Variants in DCLK1 observed in about 807,000 individuals in gnomAD.
DCLK1 encodes the protein serine/threonine-protein kinase DCLK1.
DCLK1 carries 16 observed loss-of-function variants against 86.2 expected under a neutral mutation model. The observed-to-expected ratio is 0.19, with a 90% CI of 0.13 to 0.28. The LOEUF (loss-of-function observed/expected upper bound fraction) is 0.28. Among genes scored for constraint, DCLK1 ranks in the 10% least tolerant of loss-of-function variants. DCLK1 has a pLI of 1.00. For synonymous variants in DCLK1, 369 were observed against 370.5 expected, an observed-to-expected ratio of 1.00 and a Z score of 0.05; for missense variants, 590 against 940.2, an observed-to-expected ratio of 0.63 and a Z score of 4.87.
intron 3 of DCLK1, among the ~76,000 whole-genome samples, chr13:36,043,790 T>C (rs1395995183): frequency 1.3e-5 from 2 of 152,230 alleles, no homozygotes; most frequent in African/African-American, 4.8e-5. Flanking sequence ...TAAGTGAGAG[T>C]TGAATAAAAA....
rs1378725152 is a variant in DCLK1 at position 35,850,542 on chromosome 13, A to G, written c.1035+3957T>C. The G allele has an allele frequency of 7.9e-6, 10 of 1,261,628 alleles. No homozygotes were observed. In the East Asian group the frequency reaches 9.6e-5, roughly 12 times the overall value. The allele number at this position is 1,261,628 out of a possible 1,614,324, so 78.2% of individuals were successfully genotyped here. On this transcript the variant is annotated intron_variant, in intron 6 of 16. Transcript: ENST00000360631. ...GGGAGATATTTTTAAAAATCTCTCA[A>G]TTTCAAGGTTGAACATCACGAAAAC...
In DCLK1 at chr13:35,923,275, G is replaced by A. The variant is rs181546033; in HGVS notation, c.823+24083C>T. On this transcript the variant is annotated intron_variant, in intron 4 of 16. Coordinates refer to ENST00000360631, the MANE Select transcript of DCLK1 (RefSeq NM_001330071.2). Reference sequence around the variant, plus strand: ...CTCAGGACTCAGGTGAGATGCTAAGGGACCTGCTTGACAAGGTCACACTCC... The same window carrying A: ...CTCAGGACTCAGGTGAGATGCTAAGAGACCTGCTTGACAAGGTCACACTCC... Among the ~76,000 whole-genome samples the A allele has an allele frequency of 2.2e-3, 339 of 152,204 alleles. 1 individual carries two copies. Among genetic ancestry groups the A allele is most frequent in the African/African-American group, 7.9e-3 (326 of 41,526 alleles).
intron 8 of DCLK1, among the ~76,000 whole-genome samples, chr13:35,829,675 A>C (rs1316972561): frequency 6.6e-6 from 1 of 152,210 alleles, no homozygotes; most frequent in East Asian, 1.9e-4. Flanking sequence ...GCCGGCCTCA[A>C]AAAACAGTGA....
At chr13:35,857,085 T>C (rs1871104969) in intron 5 of DCLK1, among the ~76,000 whole-genome samples, 1 of 152,102 alleles carries the variant, frequency 6.6e-6, no homozygotes, top group Non-Finnish European at 1.5e-5. Context: ...TGAGGCAGGA[T>C]AGTTAGTCAA....
intron 16 of DCLK1, among the ~76,000 whole-genome samples, chr13:35,779,924 A>G (rs1334397511): frequency 3.9e-5 from 6 of 152,130 alleles, no homozygotes; most frequent in Admixed American, 3.9e-4. Context: ...GCTAATATAT[A>G]ATTTTTACAA....
chr13:35,950,662 T>C (rs375081182), intron 3 of DCLK1, among the ~76,000 whole-genome samples: 19 of 152,314 alleles, frequency 1.2e-4, no homozygotes, highest in African/African-American at 4.1e-4. Context: ...AGGTGTCAGA[T>C]GTTAGAAGCA....
rs1037118242 is a variant in DCLK1 at position 36,048,876 on chromosome 13, G to A, written c.723+62993C>T. On this transcript the variant is annotated intron_variant, in intron 3 of 16. Transcript: ENST00000360631. ...AATGCTGCAAAAGCCTCAGGACTCCGGATTCTGGCTCCTTCCACTCTGGAA... is the reference window on the plus strand; with the variant it reads ...AATGCTGCAAAAGCCTCAGGACTCCAGATTCTGGCTCCTTCCACTCTGGAA... 5.3e-5 allele frequency among the ~76,000 whole-genome samples: 8 copies of A among 152,056 alleles called. No homozygotes were observed. In the East Asian group the frequency reaches 9.6e-4, roughly 18 times the overall value.
chr13:35,964,467 T>G (rs1300048495), intron 3 of DCLK1, among the ~76,000 whole-genome samples: 1 of 152,214 alleles, frequency 6.6e-6, no homozygotes, highest in East Asian at 1.9e-4. Context: ...CTTTCCTACT[T>G]GGCAGGCTCA....
At chr13:36,030,874 C>G (rs925551981) in intron 3 of DCLK1, among the ~76,000 whole-genome samples, 13 of 152,036 alleles carry the variant, frequency 8.6e-5, no homozygotes, top group Admixed American at 8.5e-4. Flanking sequence ...GTGCTCTCAC[C>G]AAGCCACACT....
At chr13:35,783,349 T>A (rs1165128098) in intron 16 of DCLK1, among the ~76,000 whole-genome samples, 1 of 152,012 alleles carries the variant, frequency 6.6e-6, no homozygotes, top group Non-Finnish European at 1.5e-5. Context: ...TGGGCTGGGG[T>A]GTGTGAAAGC....
intron 3 of DCLK1, among the ~76,000 whole-genome samples, chr13:35,957,902 A>G (rs1412294361): frequency 4.9e-5 from 1 of 20,268 alleles, no homozygotes; most frequent in East Asian, 1.4e-3. Context: ...AATGATTATT[A>G]GCGTCACCAC....
intron 4 of DCLK1, among the ~76,000 whole-genome samples, chr13:35,881,828 T>C (rs1872921474): frequency 6.6e-6 from 1 of 152,106 alleles, no homozygotes; most frequent in Admixed American, 6.5e-5. Context: ...AGGCCCACCT[T>C]TATCTTCTAG....
chr13:36,045,360 A>G (rs9575172), intron 3 of DCLK1, among the ~76,000 whole-genome samples: 1 of 91,480 alleles, frequency 1.1e-5, no homozygotes, highest in Non-Finnish European at 2.4e-5. Flanking sequence ...ATATATATAT[A>G]TATATATATA....
chr13:36,028,207 C>T (rs1418214372), intron 3 of DCLK1, among the ~76,000 whole-genome samples: 1 of 152,180 alleles, frequency 6.6e-6, no homozygotes, highest in Non-Finnish European at 1.5e-5. Context: ...TCAGTGTCTA[C>T]TTGTAATGGA....
chr13:35,888,099 C>T (rs1002439038), intron 4 of DCLK1, among the ~76,000 whole-genome samples: 1 of 152,082 alleles, frequency 6.6e-6, no homozygotes, highest in Non-Finnish European at 1.5e-5. Context: ...GTGTCCTACT[C>T]TGAAAACTTC....
At chr13:36,036,155 C>T (rs538552823) in intron 3 of DCLK1, among the ~76,000 whole-genome samples, 2 of 152,294 alleles carry the variant, frequency 1.3e-5, no homozygotes, top group African/African-American at 4.8e-5. Context: ...AGTTACCACC[C>T]CTTTCCATGG....
chr13:35,974,087 CAAAT>C (rs1331692730), intron 3 of DCLK1, among the ~76,000 whole-genome samples: 1 of 152,094 alleles, frequency 6.6e-6, no homozygotes, highest in African/African-American at 2.4e-5. Flanking sequence ...GAAAATAAAA[CAAAT>C]AAAACAAAAT....
chr13:35,789,088 A>G (rs1023745131), intron 16 of DCLK1, among the ~76,000 whole-genome samples: 1 of 152,166 alleles, frequency 6.6e-6, no homozygotes, highest in African/African-American at 2.4e-5. Flanking sequence ...GCTTTTGGGT[A>G]CCTGGGGATA....
In DCLK1 at chr13:36,021,187, A is replaced by G. The variant is rs146067698; in HGVS notation, c.724-73730T>C. On this transcript the variant is annotated intron_variant, in intron 3 of 16. Coordinates refer to ENST00000360631, the MANE Select transcript of DCLK1 (RefSeq NM_001330071.2). ...TGAAATTACATTGGCATTATACCAA[A>G]CTAGATTGTCTTATGATGATAATTG... Among the ~76,000 whole-genome samples the G allele has an allele frequency of 4.1e-3, 629 of 152,080 alleles. 5 individuals carry two copies. The highest frequency in any genetic ancestry group is 0.014 in the African/African-American group (587 of 41,510).
Sources: gnomAD v4.1 joint callset for allele counts (sites outside exome capture counted in the v4.1 genomes callset) on GRCh38, gnomAD v4.1.1 for gene constraint, MANE v1.5 for transcripts, NCBI Gene and HGNC (gene_info 2026-07-23, HGNC 2026-07-21) for gene names.